WDR25: variants seen among roughly 807,000 people sequenced by gnomAD.
WDR25 encodes WD repeat-containing protein 25.
A neutral mutation model predicts 47.7 loss-of-function variants in WDR25; 35 were observed. The ratio of observed to expected loss-of-function variants is 0.73; its 90% confidence interval spans 0.56 to 0.97. WDR25 has a LOEUF of 0.97. Ranked by LOEUF, WDR25 falls within the 50% of genes least tolerant of loss-of-function variation. The probability of loss-of-function intolerance (pLI) is 0.00; values close to 1 mark genes in which losing one functional copy is unlikely to be tolerated. For missense variants in WDR25, 634 were observed against 704.7 expected (o/e 0.90, Z 1.14); for synonymous variants, 248 against 278.9 (o/e 0.89, Z 1.10).
intron 4 of WDR25, among the ~76,000 whole-genome samples, chr14:100,515,669 C>T (rs1227654573): frequency 6.6e-6 from 1 of 152,106 alleles, no homozygotes. Flanking sequence ...CACTCTGTCA[C>T]CCAGGCTGGA....
At position 100,529,271 on chromosome 14, in the gene WDR25, T is replaced by C. The variant is rs1354532182; in HGVS notation, c.1413+63T>C. On this transcript the variant is annotated intron_variant, in intron 6 of 6. Transcript: ENST00000402312. The surrounding 1 kb of genome is among the most constrained non-coding windows in gnomAD (Gnocchi z 5.1). ...CCAGCCCCAAGCCTCCTGGCAGTCC[T>C]GGACATGGGCCCTGGGGTGCATGGA... The C allele has an allele frequency of 1.2e-6, 2 of 1,604,908 alleles. No homozygotes were observed. Among genetic ancestry groups the C allele is most frequent in the Non-Finnish European group, 1.7e-6 (2 of 1,176,656 alleles).
chr14:100,492,200 T>C (rs1444872818), intron 4 of WDR25, among the ~76,000 whole-genome samples: 6 of 152,222 alleles, frequency 3.9e-5, no homozygotes, highest in South Asian at 2.1e-4. Flanking sequence ...ATCCATCAGC[T>C]TCACTGGCTG....
chr14:100,395,171 G>C (rs1897230478), intron 2 of WDR25, among the ~76,000 whole-genome samples: 1 of 152,162 alleles, frequency 6.6e-6, no homozygotes. Flanking sequence ...CACCACACAG[G>C]GGTTTACATC....
At chr14:100,429,222 C>T (rs1898257652) in intron 2 of WDR25, among the ~76,000 whole-genome samples, 1 of 152,186 alleles carries the variant, frequency 6.6e-6, no homozygotes, top group Non-Finnish European at 1.5e-5. Flanking sequence ...AACTCTGACG[C>T]CAGCTTGTCA....
In WDR25 at chr14:100,506,194, C is replaced by T. The variant is rs1008912808; in HGVS notation, c.1102-19676C>T. ...TGTTTTCTGTTCCTGCATTAATTTG[C>T]TTAGGAAAATGGTCTCCAACTTCAT... is the stretch of plus-strand genomic sequence containing the variant. On this transcript the variant is annotated intron_variant, in intron 4 of 6. Transcript: ENST00000402312. The surrounding 1 kb of genome is among the most constrained non-coding windows in gnomAD (Gnocchi z 4.8). Among the ~76,000 whole-genome samples, 1 of 152,160 alleles carries T rather than the reference C, an allele frequency of 6.6e-6. No homozygotes were observed. Among genetic ancestry groups the T allele is most frequent in the Non-Finnish European group, 1.5e-5 (1 of 68,034 alleles).
intron 4 of WDR25, among the ~76,000 whole-genome samples, chr14:100,486,154 G>A (rs935742702): frequency 2.6e-5 from 4 of 151,924 alleles, no homozygotes; most frequent in East Asian, 1.9e-4. Flanking sequence ...TAGTCATACC[G>A]TTTGAAGTGG....
Position 100,381,997 on chromosome 14 carries a change from C to T in WDR25, c.822+251C>T, listed in dbSNP as rs181718719. The T allele has an allele frequency of 2.8e-4, 197 of 696,124 alleles. 1 individual carries two copies. The African/African-American group carries it at 2.9e-3, about 10-fold the overall frequency. 43.1% of individuals were successfully genotyped at this position (696,124 alleles called of 1,614,324 possible). On this transcript the variant is annotated intron_variant, in intron 2 of 6. Coordinates refer to ENST00000402312, the MANE Select transcript of WDR25 (RefSeq NM_001161476.3). ...ACTGTTTCTTATCCCTCTCGGAGGCCGTGAGGGAGGAGGTGAGAGTGATTA... is the reference window on the plus strand; with the variant it reads ...ACTGTTTCTTATCCCTCTCGGAGGCTGTGAGGGAGGAGGTGAGAGTGATTA...
intron 2 of WDR25, among the ~76,000 whole-genome samples, chr14:100,456,783 G>C (rs1301695150): frequency 6.6e-6 from 1 of 152,124 alleles, no homozygotes; most frequent in Non-Finnish European, 1.5e-5. Flanking sequence ...ATGTGAAAGT[G>C]GAGTCCTCAA....
chr14:100,511,284 A>G lies in WDR25; in HGVS notation c.1102-14586A>G, dbSNP rs560087514. Among the ~76,000 whole-genome samples, 98 of 152,210 alleles carry G rather than the reference A, an allele frequency of 6.4e-4. No homozygotes were observed. In the South Asian group the frequency reaches 0.02, roughly 31 times the overall value. ...TTTATCCCCAAGTATTTATATTTTG[A>G]TGCTATTGTAAGTGATATTTTAAAA... On this transcript the variant is annotated intron_variant, in intron 4 of 6. Transcript: ENST00000402312.
intron 4 of WDR25, among the ~76,000 whole-genome samples, chr14:100,520,731 G>A (rs1314553791): frequency 7.2e-5 from 11 of 152,262 alleles, no homozygotes; most frequent in South Asian, 2.1e-4. Flanking sequence ...CTCTAGCTCT[G>A]GCTGGCTGGG....
chr14:100,456,167 G>T (rs114447971), intron 2 of WDR25, among the ~76,000 whole-genome samples: 3,316 of 152,184 alleles, frequency 0.022, 102 homozygotes, highest in African/African-American at 0.07. Flanking sequence ...AGACCAGTCT[G>T]GGCAATGTAG....
chr14:100,401,925 C>T (rs1424088641), intron 2 of WDR25, among the ~76,000 whole-genome samples: 1 of 152,216 alleles, frequency 6.6e-6, no homozygotes, highest in East Asian at 1.9e-4. Context: ...TTACATTCTC[C>T]TTGGTGCACC....
At chr14:100,479,163 C>G (rs1233854809) in intron 3 of WDR25, among the ~76,000 whole-genome samples, 1 of 151,998 alleles carries the variant, frequency 6.6e-6, no homozygotes, top group Non-Finnish European at 1.5e-5. Context: ...TCCAGATGAC[C>G]CCCAGCCGCT....
At position 100,506,582 on chromosome 14, in the gene WDR25, T is replaced by G. The variant is rs1489958782; in HGVS notation, c.1102-19288T>G. Among the ~76,000 whole-genome samples, 1 of 152,206 alleles carries G rather than the reference T, an allele frequency of 6.6e-6. No homozygotes were observed. Among genetic ancestry groups the G allele is most frequent in the Non-Finnish European group, 1.5e-5 (1 of 68,034 alleles). ...GCAGCCTTGCTAGCACCTGTTATTT[T>G]TTTGACTTTTTAGTAATAGCCATGC... is the stretch of plus-strand genomic sequence containing the variant. On this transcript the variant is annotated intron_variant, in intron 4 of 6. Coordinates refer to ENST00000402312, the MANE Select transcript of WDR25 (RefSeq NM_001161476.3). This position sits in a 1 kb window ranked among gnomAD's most constrained non-coding sequence, Gnocchi z 4.8.
chr14:100,431,427 T>C (rs573710640), intron 2 of WDR25, among the ~76,000 whole-genome samples: 1 of 152,242 alleles, frequency 6.6e-6, no homozygotes, highest in Admixed American at 6.5e-5. Context: ...AGCCTCCTTC[T>C]TTATATATTC....
rs1047444705 is a variant in WDR25, at chr14:100,488,590, A to AG, written c.1101+4468dup. On this transcript the variant is annotated intron_variant, in intron 4 of 6. Coordinates refer to ENST00000402312, the MANE Select transcript of WDR25 (RefSeq NM_001161476.3). The surrounding 1 kb of genome is among the most constrained non-coding windows in gnomAD (Gnocchi z 4.2). ...TAGCGTTTCTCAAACTCACCTGTGT[A>AG]GGAGAGCACCTGGGCTCTTGTTAGG... Among the ~76,000 whole-genome samples, 2 of 152,184 alleles carry AG rather than the reference A, an allele frequency of 1.3e-5. No individual in the cohort carries two copies. The highest frequency in any genetic ancestry group is 4.8e-5 in the African/African-American group (2 of 41,462).
chr14:100,515,143 C>A (rs1326063139), intron 4 of WDR25, among the ~76,000 whole-genome samples: 2 of 152,072 alleles, frequency 1.3e-5, no homozygotes, highest in Non-Finnish European at 2.9e-5. Flanking sequence ...TTTCTCTTTA[C>A]CATTGGCTTC....
chr14:100,432,440 T>C (rs1347062412), intron 2 of WDR25, among the ~76,000 whole-genome samples: 5 of 152,226 alleles, frequency 3.3e-5, no homozygotes, highest in Non-Finnish European at 7.3e-5. Flanking sequence ...TCAAGTTCAC[T>C]AGCCTACAAA....
rs544729680 is a variant in WDR25 at position 100,476,547 on chromosome 14, A to G, written c.971-7447A>G. ...GTGGATGTGAACAAAGCACTAGGAG[A>G]AGCAAAGGTCACGAATAACTGGCGG... On this transcript the variant is annotated intron_variant, in intron 3 of 6. Coordinates refer to ENST00000402312, the MANE Select transcript of WDR25 (RefSeq NM_001161476.3). 3 of 152,308 alleles carry G rather than the reference A, an allele frequency of 2.0e-5. No homozygotes were observed. In the East Asian group the frequency reaches 5.8e-4, roughly 29 times the overall value. The allele number at this position is 152,308 out of a possible 1,614,324, so 9.4% of individuals were successfully genotyped here. A position where few individuals can be genotyped will look rare whatever the true frequency, so the allele number is the denominator to read the frequency against.
Sources: allele counts gnomAD v4.1 joint callset (sites outside exome capture counted in the v4.1 genomes callset), GRCh38; gene constraint gnomAD v4.1.1; non-coding constraint Gnocchi (gnomAD v3.1); transcripts MANE v1.5; gene names NCBI Gene and HGNC (gene_info 2026-07-23, HGNC 2026-07-21).